The following PLCG2 variants were observed in gnomAD, a reference collection of about 807,000 sequenced individuals.
PLCG2 encodes the protein phospholipase C gamma 2, also known as 1-phosphatidylinositol 4,5-bisphosphate phosphodiesterase gamma-2.
A neutral mutation model predicts 175.6 loss-of-function variants in PLCG2; 69 were observed. The ratio of observed to expected loss-of-function variants is 0.39; its 90% CI spans 0.32 to 0.48. The LOEUF (loss-of-function observed/expected upper bound fraction) is 0.48. PLCG2 is among the 20% of genes least tolerant of loss of function. The probability of loss-of-function intolerance (pLI) is 0.91; values close to 1 mark genes in which losing one functional copy is unlikely to be tolerated. For synonymous variants in PLCG2, 827 were observed against 624.0 expected, an observed-to-expected ratio of 1.33 and a Z score of -4.85; for missense variants, 1,798 against 1,650.9, an observed-to-expected ratio of 1.09 and a Z score of -1.54.
chr16:81,778,823 A>T (rs1168163181), upstream of PLCG2, among the ~76,000 whole-genome samples: 1 of 151,700 alleles, frequency 6.6e-6, no homozygotes, highest in Admixed American at 6.6e-5. Context: ...ATTTTTATTT[A>T]TTTATTTTTG....
At chr16:81,763,633 A>C (rs570682058) in intron 2 of PLCG2, among the ~76,000 whole-genome samples, 1 of 152,204 alleles carries the variant, frequency 6.6e-6, no homozygotes, top group Non-Finnish European at 1.5e-5. Context: ...GCTGTCACAC[A>C]TTGTCCCTTT....
chr16:81,803,515 GTTCTTTCTTTCCTTTCTTTCTT>G (rs1450190611), intron 2 of PLCG2, among the ~76,000 whole-genome samples: 4 of 130,440 alleles, frequency 3.1e-5, no homozygotes, highest in African/African-American at 5.2e-5. Flanking sequence ...CATTTTCTTT[GTTCTTTCTTTCCTTTCTTTCTT>G]TTCTTTCTTT....
intron 5 of PLCG2, among the ~76,000 whole-genome samples, chr16:81,859,828 G>A (rs1012336099): frequency 9.9e-5 from 15 of 152,248 alleles, no homozygotes; most frequent in South Asian, 2.1e-4. Context: ...GAGCCACCGC[G>A]CCCGGCCACC....
chr16:81,756,275 C>A (rs1454273173), intron 2 of PLCG2, among the ~76,000 whole-genome samples: 2 of 152,242 alleles, frequency 1.3e-5, no homozygotes, highest in South Asian at 2.1e-4. Context: ...TCAGATAGGG[C>A]TTCCTGTAGG....
chr16:81,819,025 A>G (rs78499251), intron 2 of PLCG2, among the ~76,000 whole-genome samples: 2,055 of 151,504 alleles, frequency 0.014, 49 homozygotes, highest in African/African-American at 0.046. Flanking sequence ...GGCAGGTGTA[A>G]CTCCTTCAAT....
chr16:81,753,426 T>A (rs1432701869), intron 1 of PLCG2, among the ~76,000 whole-genome samples: 2 of 151,070 alleles, frequency 1.3e-5, no homozygotes, highest in Non-Finnish European at 2.9e-5. Flanking sequence ...AATTTAATTT[T>A]TTTTTTTTTT....
At chr16:81,848,419 C>G (rs577666063) in intron 2 of PLCG2, among the ~76,000 whole-genome samples, 1 of 152,288 alleles carries the variant, frequency 6.6e-6, no homozygotes, top group African/African-American at 2.4e-5. Context: ...ATGTGCAGGG[C>G]TGCTTGTATC....
chr16:81,935,845 TC>T, intron 26 of PLCG2: 1 of 985,124 alleles, frequency 1.0e-6, no homozygotes, highest in Non-Finnish European at 1.2e-6. Flanking sequence ...CCAAAACCAT[TC>T]CCATTCTCCC....
In PLCG2 at chr16:81,940,502, C is replaced by G. The variant is rs72824935; in HGVS notation, c.3481+443C>G. On this transcript the variant is annotated intron_variant, in intron 30 of 32. Coordinates refer to ENST00000564138, the MANE Select transcript of PLCG2 (RefSeq NM_002661.5). ...CGAGGGTCCAACTCCCCAAACCCTT[C>G]AGAATTCACCTTCTTCTTCTATAAA... Among the ~76,000 whole-genome samples, 1,491 of 152,230 alleles carry G rather than the reference C, an allele frequency of 9.8e-3. 13 individuals carry two copies. Among genetic ancestry groups the G allele is most frequent in the Middle Eastern group, 0.037 (11 of 294 alleles).
chr16:81,868,739 T>C (rs981981652), intron 5 of PLCG2, among the ~76,000 whole-genome samples: 2 of 152,236 alleles, frequency 1.3e-5, no homozygotes, highest in Admixed American at 6.5e-5. Context: ...TGTATTGAGA[T>C]TATCTGGTCA....
upstream of PLCG2, among the ~76,000 whole-genome samples, chr16:81,778,016 C>CAAAAAA (rs753644088): frequency 2.2e-4 from 11 of 49,080 alleles, no homozygotes; most frequent in South Asian, 1.1e-3. Flanking sequence ...GACTTTGTCT[C>CAAAAAA]AAAAAAAAAA....
In PLCG2 at chr16:81,910,707, C is replaced by T; in HGVS notation, c.1921C>T (p.His641Tyr). The change falls in exon 18 of 33, where the codon CAC becomes TAC. Residue 641 changes from histidine to tyrosine, a missense_variant. By Grantham distance (83) the His-to-Tyr change is moderately conservative (BLOSUM62 2). Coordinates refer to ENST00000564138, the MANE Select transcript of PLCG2 (RefSeq NM_002661.5). ...LTDPVPNPNP[H>Y]ESKPWYYDSL... The stretch of plus-strand genomic sequence containing the variant: ...GGACCCTGTGCCCAACCCCAACCCC[C>T]ACGAGTCCAAGCCGTACGTGTCTGA... 6.2e-7 allele frequency: 1 copy of T among 1,609,562 alleles called. No homozygotes were observed. The highest frequency in any genetic ancestry group is 1.1e-5 in the South Asian group (1 of 91,080).
At chr16:81,809,472 C>T (rs1474822918) in intron 2 of PLCG2, among the ~76,000 whole-genome samples, 4 of 152,192 alleles carry the variant, frequency 2.6e-5, no homozygotes, top group African/African-American at 9.7e-5. Flanking sequence ...CCTTTATTTG[C>T]TGCGCTTCCT....
intron 2 of PLCG2, among the ~76,000 whole-genome samples, chr16:81,802,305 G>T (rs904786584): frequency 6.7e-6 from 1 of 149,688 alleles, no homozygotes; most frequent in South Asian, 2.1e-4. Flanking sequence ...GTAGAGATGG[G>T]GTTTCACCGT....
At chr16:81,900,213 G>A (rs780115225) in intron 13 of PLCG2, among the ~76,000 whole-genome samples, 2 of 152,220 alleles carry the variant, frequency 1.3e-5, no homozygotes, top group Admixed American at 6.5e-5. Flanking sequence ...GGATGCACAC[G>A]TGGAACAGCG....
intron 11 of PLCG2, among the ~76,000 whole-genome samples, chr16:81,892,852 T>C (rs1420348864): frequency 6.6e-6 from 1 of 150,846 alleles, no homozygotes; most frequent in Non-Finnish European, 1.5e-5. Flanking sequence ...ATAAACTTTT[T>C]TTTTTTTTTT....
intron 7 of PLCG2, among the ~76,000 whole-genome samples, chr16:81,873,904 A>G (rs1907641250): frequency 6.6e-6 from 1 of 152,228 alleles, no homozygotes; most frequent in Non-Finnish European, 1.5e-5. Context: ...TACTTTAATT[A>G]TGGCTCTTAT....
intron 2 of PLCG2, among the ~76,000 whole-genome samples, chr16:81,756,902 A>AAC (rs1278631892): frequency 6.6e-6 from 1 of 152,102 alleles, no homozygotes; most frequent in Non-Finnish European, 1.5e-5. Context: ...ACAGGCCTGG[A>AAC]ACACACACAC....
chr16:81,792,138 G>A (rs192722183), intron 2 of PLCG2, among the ~76,000 whole-genome samples: 15 of 152,280 alleles, frequency 9.9e-5, no homozygotes, highest in Admixed American at 7.8e-4. Flanking sequence ...AATTTATGAT[G>A]CAAATCCCTG....
Sources: allele counts gnomAD v4.1 joint callset (sites outside exome capture counted in the v4.1 genomes callset), GRCh38; gene constraint gnomAD v4.1.1; transcripts MANE v1.5; gene names NCBI Gene and HGNC (gene_info 2026-07-23, HGNC 2026-07-21).